The following FNIP2 variants were observed in gnomAD, a reference collection of about 807,000 sequenced individuals.
The protein encoded by FNIP2 is folliculin interacting protein 2.
FNIP2 carries 32 observed loss-of-function variants against 108.7 expected under a neutral mutation model. The ratio of observed to expected loss-of-function variants is 0.29; its 90% CI spans 0.22 to 0.40. The LOEUF is 0.40. Among genes scored for constraint, FNIP2 ranks in the 10% least tolerant of loss-of-function variants. FNIP2 has a pLI of 1.00. For missense variants in FNIP2, 1,202 were observed against 1,381.6 expected (o/e 0.87, Z 2.06); for synonymous variants, 480 against 496.7 (o/e 0.97, Z 0.45).
intron 1 of FNIP2, among the ~76,000 whole-genome samples, chr4:158,805,859 C>T (rs371925318): frequency 2.0e-5 from 3 of 152,300 alleles, no homozygotes; most frequent in East Asian, 3.9e-4. Flanking sequence ...TGAGTCAGTC[C>T]AAGCTGCTCA....
At chr4:158,808,691 TC>T (rs1777104559) in intron 1 of FNIP2, 1 of 152,242 alleles carries the variant, frequency 6.6e-6, no homozygotes, top group South Asian at 2.1e-4. Flanking sequence ...TATCTGTTTG[TC>T]CAAGTCATAT....
intron 1 of FNIP2, among the ~76,000 whole-genome samples, chr4:158,791,291 T>C (rs1376997126): frequency 1.8e-5 from 2 of 111,700 alleles, no homozygotes; most frequent in East Asian, 4.3e-4. Context: ...TTTTTTTTTT[T>C]TTTTCTTTTT....
chr4:158,799,165 A>G (rs1776682252), intron 1 of FNIP2, among the ~76,000 whole-genome samples: 1 of 152,230 alleles, frequency 6.6e-6, no homozygotes. Context: ...GCTGCTTCTC[A>G]ATACTGACAG....
At chr4:158,835,358 A>G in intron 6 of FNIP2, 47 bp from the exon 7 acceptor site, 3 of 1,551,580 alleles carry the variant, frequency 1.9e-6, no homozygotes, top group Non-Finnish European at 2.7e-6. Flanking sequence ...TAAAAACTTT[A>G]TCTCTGAAGA....
At chr4:158,800,999 T>C (rs1302440892) in intron 1 of FNIP2, among the ~76,000 whole-genome samples, 1 of 152,236 alleles carries the variant, frequency 6.6e-6, no homozygotes, top group South Asian at 2.1e-4. Context: ...AATTTCCATG[T>C]AACTTTGATC....
chr4:158,842,005 G>A (rs890767764), intron 7 of FNIP2, among the ~76,000 whole-genome samples: 5 of 152,234 alleles, frequency 3.3e-5, no homozygotes, highest in Admixed American at 6.5e-5. Flanking sequence ...CTTAACCATC[G>A]AATCTTGGCC....
chr4:158,872,373 A>C, intron 14 of FNIP2: 1 of 985,398 alleles, frequency 1.0e-6, no homozygotes, highest in Non-Finnish European at 1.2e-6. Flanking sequence ...AAACACAACC[A>C]TGTTTACTCT....
In FNIP2 at chr4:158,769,236, G is replaced by A; in HGVS notation, c.24G>A (p.Lys8=). The A allele has an allele frequency of 2.0e-6, 3 of 1,524,376 alleles. No homozygotes were observed. The highest frequency in any genetic ancestry group is 2.6e-6 in the Non-Finnish European group (3 of 1,139,728). 94.4% of individuals were successfully genotyped at this position (1,524,376 alleles called of 1,614,324 possible). Residue 8 remains lysine, a synonymous_variant, in exon 1 of 17, where the codon AAG becomes AAA. Transcript: ENST00000264433. ...TCATGGCCCCGACCCTGCTCCAGAA[G>A]CTCTTCAACAAAAGGGGCAGCAGCG... The part of the protein sequence containing the change: MAPTLLQ[K]LFNKRGSSGS...
At chr4:158,838,687 T>G (rs996239109) in intron 7 of FNIP2, among the ~76,000 whole-genome samples, 2 of 152,214 alleles carry the variant, frequency 1.3e-5, no homozygotes, top group Non-Finnish European at 2.9e-5. Flanking sequence ...CATCTTATAT[T>G]AGTATGGTAT....
intron 8 of FNIP2, among the ~76,000 whole-genome samples, chr4:158,858,443 G>A (rs79558145): frequency 3.3e-4 from 50 of 152,270 alleles, no homozygotes; most frequent in African/African-American, 1.2e-3. Context: ...TTTGGGCTTC[G>A]TGGCTGTCAT....
At chr4:158,863,218 G>A (rs578105773) in intron 12 of FNIP2, among the ~76,000 whole-genome samples, 2 of 152,328 alleles carry the variant, frequency 1.3e-5, no homozygotes, top group African/African-American at 4.8e-5. Context: ...AGTGATGGCC[G>A]AGTTTCCATT....
chr4:158,806,165 C>T, intron 1 of FNIP2: 1 of 1,245,642 alleles, frequency 8.0e-7, no homozygotes, highest in South Asian at 1.4e-5. Context: ...ATGTTCCTCA[C>T]ATAACAAAGG....
chr4:158,844,062 T>C (rs1208948644), intron 7 of FNIP2, among the ~76,000 whole-genome samples: 1 of 152,266 alleles, frequency 6.6e-6, no homozygotes, highest in African/African-American at 2.4e-5. Context: ...CTGGAGCTGC[T>C]TCTGAGTGCT....
intron 7 of FNIP2, among the ~76,000 whole-genome samples, 155 bp from the exon 8 acceptor site, chr4:158,851,166 T>A (rs1193608477): frequency 6.6e-6 from 1 of 152,218 alleles, no homozygotes; most frequent in Non-Finnish European, 1.5e-5. Flanking sequence ...GCGGGTTTTG[T>A]CATTTTTTTA....
intron 1 of FNIP2, 36 bp downstream of exon 1, chr4:158,769,355 C>T (rs1442798988): frequency 1.4e-6 from 2 of 1,411,324 alleles, no homozygotes; most frequent in Admixed American, 4.8e-5. Flanking sequence ...TGGCGCGGGA[C>T]CCGAGTTGGC....
chr4:158,813,200 T>C (rs1223930743), intron 1 of FNIP2, among the ~76,000 whole-genome samples: 1 of 152,178 alleles, frequency 6.6e-6, no homozygotes, highest in Non-Finnish European at 1.5e-5. Flanking sequence ...TTTCAGCTCA[T>C]TTGGATAAAT....
chr4:158,786,386 T>C (rs1311518403), intron 1 of FNIP2, among the ~76,000 whole-genome samples: 3 of 152,214 alleles, frequency 2.0e-5, no homozygotes, highest in Non-Finnish European at 4.4e-5. Flanking sequence ...GCAGTTCATA[T>C]AGTAAAAACG....
intron 16 of FNIP2, among the ~76,000 whole-genome samples, chr4:158,902,930 A>C (rs1452695024): frequency 1.4e-5 from 2 of 147,468 alleles, no homozygotes; most frequent in African/African-American, 4.9e-5. Flanking sequence ...CTCTGTGGGC[A>C]TGGGACCCAC....
At chr4:158,830,768 G>A (rs1578880392) in intron 3 of FNIP2, among the ~76,000 whole-genome samples, 1 of 152,316 alleles carries the variant, frequency 6.6e-6, no homozygotes, top group East Asian at 1.9e-4. Flanking sequence ...AGGTCGGGGT[G>A]CAGAACCATG....
Sources: gnomAD v4.1 joint callset for allele counts (sites outside exome capture counted in the v4.1 genomes callset) on GRCh38, gnomAD v4.1.1 for gene constraint, MANE v1.5 for transcripts, NCBI Gene and HGNC (gene_info 2026-07-23, HGNC 2026-07-21) for gene names.